Variants in HPF1 observed in about 807,000 individuals in gnomAD.
HPF1 encodes the protein UPF0609 protein C4orf27.
A neutral mutation model predicts 38.8 loss-of-function variants in HPF1; 35 were observed. The observed-to-expected ratio is 0.90, with a 90% confidence interval of 0.69 to 1.19. The LOEUF is 1.19. Ranked by LOEUF, HPF1 falls within the 50% of genes most tolerant of loss-of-function variation. The pLI is 0.00. For synonymous variants in HPF1, 115 were observed against 139.2 expected (o/e 0.83, Z 1.22); for missense variants, 367 against 405.8 (o/e 0.90, Z 0.82).
At position 169,750,584 on chromosome 4, in the gene HPF1, G is replaced by A. The variant is rs754837479; in HGVS notation, c.350C>T (p.Thr117Ile). ...RFYYDPPEFQTIIIGDNKTQY... is the reference protein window; with the variant it reads ...RFYYDPPEFQIIIIGDNKTQY... ...AGTTTTATTATCTCCAATAATAATG[G>A]TCTGGAACTCAGGAGGATCATAGTA... The change falls in exon 3 of 8, where the codon ACC becomes ATC. Residue 117 changes from threonine to isoleucine, a missense_variant. Thr to Ile is a moderately conservative substitution (Grantham distance 89). Transcript: ENST00000393381. 1 of 1,612,570 alleles carries A rather than the reference G, an allele frequency of 6.2e-7. No individual in the cohort carries two copies. The highest frequency in any genetic ancestry group is 1.1e-5 in the South Asian group (1 of 90,618).
chr4:169,750,416 T>C (rs1285884779), intron 3 of HPF1, 120 bp downstream of exon 3: 3 of 680,238 alleles, frequency 4.4e-6, no homozygotes, highest in Non-Finnish European at 7.3e-6. Flanking sequence ...AACAGATGGC[T>C]CATATATCCA....
At chr4:169,732,387 C>T (rs1412118726) in intron 6 of HPF1, among the ~76,000 whole-genome samples, 2 of 152,154 alleles carry the variant, frequency 1.3e-5, no homozygotes, top group African/African-American at 2.4e-5. Context: ...GATCTGCCTG[C>T]CTCGGCCTCC....
intron 6 of HPF1, among the ~76,000 whole-genome samples, chr4:169,732,329 C>A (rs1205695777): frequency 6.6e-6 from 1 of 151,896 alleles, no homozygotes; most frequent in Non-Finnish European, 1.5e-5. Flanking sequence ...TTAGTAGAGA[C>A]GGGATTTCAC....
At chr4:169,743,156 C>G (rs1298445508) in intron 4 of HPF1, among the ~76,000 whole-genome samples, 1 of 151,918 alleles carries the variant, frequency 6.6e-6, no homozygotes, top group Non-Finnish European at 1.5e-5. Flanking sequence ...GTTGCCCAGG[C>G]TGGAGTGCAG....
rs1393226468 is a variant in HPF1 at position 169,737,751 on chromosome 4, C to T, written c.649-4G>A. 7 of 1,591,494 alleles carry T rather than the reference C, an allele frequency of 4.4e-6. No individual in the cohort carries two copies. The highest frequency in any genetic ancestry group is 6.0e-6 in the Non-Finnish European group (7 of 1,160,294). On this transcript the variant is annotated splice_region_variant and splice_polypyrimidine_tract_variant and intron_variant, in intron 5 of 7. Transcript: ENST00000393381. ...CATGAAAGGTCTTTGTCACAACCTA[C>T]ATTAAAGAAAAGAATAAAATGTAAT... is the stretch of plus-strand genomic sequence containing the variant.
chr4:169,747,002 A>T (rs61569798), intron 4 of HPF1, among the ~76,000 whole-genome samples: 3 of 134,254 alleles, frequency 2.2e-5, no homozygotes, highest in African/African-American at 1.2e-4. Context: ...TAAAAAAAAA[A>T]AAAAACATGA....
At chr4:169,739,919 G>C (rs1733944325) in intron 5 of HPF1, among the ~76,000 whole-genome samples, 1 of 152,202 alleles carries the variant, frequency 6.6e-6, no homozygotes. Context: ...ACAACATAAA[G>C]AATGATGGTA....
intron 4 of HPF1, among the ~76,000 whole-genome samples, chr4:169,744,521 G>A (rs961320525): frequency 2.0e-5 from 3 of 152,240 alleles, no homozygotes; most frequent in East Asian, 1.9e-4. Flanking sequence ...TGTCTTCAAC[G>A]CAAATGAATT....
chr4:169,751,435 T>C (rs1734118678), intron 2 of HPF1, among the ~76,000 whole-genome samples: 1 of 151,318 alleles, frequency 6.6e-6, no homozygotes, highest in Admixed American at 6.6e-5. Context: ...TAAAAAACAT[T>C]TCTATCCCCT....
At chr4:169,751,193 G>A (rs1285013304) in intron 2 of HPF1, among the ~76,000 whole-genome samples, 1 of 152,050 alleles carries the variant, frequency 6.6e-6, no homozygotes, top group South Asian at 2.1e-4. Context: ...ATCACCTGAG[G>A]TCAGGAGGAG....
intron 4 of HPF1, among the ~76,000 whole-genome samples, chr4:169,745,169 T>A (rs148346162): frequency 1.5e-3 from 228 of 152,222 alleles, no homozygotes; most frequent in African/African-American, 4.4e-3. Context: ...GGTGAGAGGA[T>A]CTTTGGGGGT....
At chr4:169,757,605 T>C (rs1734206255) in intron 1 of HPF1, among the ~76,000 whole-genome samples, 1 of 152,192 alleles carries the variant, frequency 6.6e-6, no homozygotes, top group Non-Finnish European at 1.5e-5. Flanking sequence ...CCCCAGGAAA[T>C]GCTCCAAGAG....
chr4:169,745,567 C>G (rs1423370553), intron 4 of HPF1, among the ~76,000 whole-genome samples: 1 of 152,188 alleles, frequency 6.6e-6, no homozygotes, highest in Non-Finnish European at 1.5e-5. Flanking sequence ...TGAGACAAAC[C>G]ACAGTACTTC....
intron 1 of HPF1, among the ~76,000 whole-genome samples, chr4:169,755,109 G>C (rs1734172407): frequency 8.2e-6 from 1 of 121,670 alleles, no homozygotes; most frequent in African/African-American, 3.2e-5. Context: ...GTAGTCTGAA[G>C]TTTATTAACG....
chr4:169,738,327 G>C (rs762149921), intron 5 of HPF1, among the ~76,000 whole-genome samples: 1 of 152,178 alleles, frequency 6.6e-6, no homozygotes, highest in Non-Finnish European at 1.5e-5. Context: ...TTAAGTGGTA[G>C]TCTTCAAAGA....
At position 169,741,959 on chromosome 4, in the gene HPF1, T is replaced by C. The variant is rs1229211508; in HGVS notation, c.646A>G (p.Lys216Glu). 1.9e-6 allele frequency: 3 copies of C among 1,611,394 alleles called. No individual in the cohort carries two copies. The highest frequency in any genetic ancestry group is 1.7e-5 in the Admixed American group (1 of 59,504). Reference protein sequence around the residue: ...RTVKMKQRDKKVVTKTFHGAG... With the variant: ...RTVKMKQRDKEVVTKTFHGAG... Reference sequence around the variant, plus strand: ...AGACCAACAGGTTGAAATCATACTTTCTTATCTCTCTGTTTCATCTTCACG... The same window carrying C: ...AGACCAACAGGTTGAAATCATACTTCCTTATCTCTCTGTTTCATCTTCACG... The change falls in exon 5 of 8, where the codon AAA becomes GAA. Residue 216 changes from lysine (K) to glutamate (E), a missense_variant and splice_region_variant. By Grantham distance (56) the Lys-to-Glu change is moderately conservative (BLOSUM62 1). Coordinates refer to ENST00000393381, the MANE Select transcript of HPF1 (RefSeq NM_017867.3).
At chr4:169,750,244 C>T (rs1293876388) in intron 3 of HPF1, among the ~76,000 whole-genome samples, 5 of 143,852 alleles carry the variant, frequency 3.5e-5, no homozygotes, top group Non-Finnish European at 4.4e-5. Context: ...CTCTGGCACA[C>T]GGCTTATTAA....
chr4:169,737,187 G>A (rs1158655482), intron 6 of HPF1, among the ~76,000 whole-genome samples: 1 of 151,710 alleles, frequency 6.6e-6, no homozygotes, highest in Non-Finnish European at 1.5e-5. Context: ...CTACTTGGGA[G>A]GCTGAGGCAG....
At chr4:169,753,632 A>G in intron 2 of HPF1, 44 bp downstream of exon 2, 2 of 1,550,312 alleles carry the variant, frequency 1.3e-6, no homozygotes, top group Non-Finnish European at 1.8e-6. Flanking sequence ...TTCCTATTAC[A>G]TTACTCTTTC....
Sources: gnomAD v4.1 joint callset for allele counts (sites outside exome capture counted in the v4.1 genomes callset) on GRCh38, gnomAD v4.1.1 for gene constraint, MANE v1.5 for transcripts, NCBI Gene and HGNC (gene_info 2026-07-23, HGNC 2026-07-21) for gene names.